NDUFA10: variants seen among roughly 807,000 people sequenced by gnomAD.
NDUFA10 encodes the protein NADH:ubiquinone oxidoreductase subunit A10, also known as NADH dehydrogenase [ubiquinone] 1 alpha subcomplex subunit 10, mitochondrial.
In NDUFA10, 40 loss-of-function variants were observed where a neutral mutation model predicts 47.8. That is an observed-to-expected ratio of 0.84 (90% CI 0.65 to 1.09). NDUFA10 has a LOEUF of 1.09. Among genes scored for constraint, NDUFA10 ranks in the 50% least tolerant of loss-of-function variants. The probability of loss-of-function intolerance (pLI) is 0.00; values close to 1 mark genes in which losing one functional copy is unlikely to be tolerated. For synonymous variants in NDUFA10, 183 were observed against 172.2 expected, an observed-to-expected ratio of 1.06 and a Z score of -0.49; for missense variants, 413 against 451.1, an observed-to-expected ratio of 0.92 and a Z score of 0.76.
At chr2:239,905,581 C>A (rs1287961015) in intron 4 of NDUFA10, among the ~76,000 whole-genome samples, 1 of 152,048 alleles carries the variant, frequency 6.6e-6, no homozygotes, top group Non-Finnish European at 1.5e-5. Context: ...GCTGCCGCGT[C>A]GGGGGGTTTA....
In NDUFA10 at chr2:240,021,317, A is replaced by T. The variant is rs776332101; in HGVS notation, c.340T>A (p.Leu114Met). Residue 114 changes from leucine (L) to methionine (M), a missense_variant, in exon 3 of 10, where the codon TTG (leucine) becomes ATG (methionine). Physicochemically the swap from Leu to Met is conservative, Grantham distance 15. Coordinates refer to ENST00000252711, the MANE Select transcript of NDUFA10 (RefSeq NM_004544.4). ...LATDYNGNCSLEKFYDDPRSN... is the reference protein window; with the variant it reads ...LATDYNGNCSMEKFYDDPRSN... The stretch of plus-strand genomic sequence containing the variant: ...CTCGGATCATCGTAAAATTTCTCCA[A>T]ACTACAGTTGCCATTATAGTCGGTG... The T allele has an allele frequency of 6.2e-7, 1 of 1,614,126 alleles. No homozygotes were observed. Among genetic ancestry groups the T allele is most frequent in the Non-Finnish European group, 8.5e-7 (1 of 1,180,014 alleles).
intron 4 of NDUFA10, among the ~76,000 whole-genome samples, chr2:240,017,198 C>T (rs1052712425): frequency 6.6e-6 from 1 of 152,192 alleles, no homozygotes; most frequent in Admixed American, 6.5e-5. Context: ...GCTAAAAATC[C>T]TCCAGTGGTC....
intron 8 of NDUFA10, among the ~76,000 whole-genome samples, chr2:239,990,849 A>T (rs1696216004): frequency 6.6e-6 from 1 of 152,226 alleles, no homozygotes; most frequent in African/African-American, 2.4e-5. Flanking sequence ...AATTAAATAT[A>T]GTCTGAATAT....
At position 240,014,787 on chromosome 2, in the gene NDUFA10, G is replaced by A. The variant is rs1411850838; in HGVS notation, c.621C>T (p.Ile207=). 6.8e-6 allele frequency: 11 copies of A among 1,614,140 alleles called. No individual in the cohort carries two copies. The Middle Eastern group carries it at 4.9e-4, about 73-fold the overall frequency. The change falls in exon 5 of 10, where the codon ATC becomes ATT. Residue 207 remains isoleucine (I), a synonymous_variant. Transcript: ENST00000252711. ...DYLPPHLVIY[I]DVPVPEVQRR... is the part of the protein sequence containing the mutation. ...TCTGGACCTCTGGAACGGGCACATC[G>A]ATGTAAATCACCAGGTGGGGGGGCA... is the stretch of plus-strand genomic sequence containing the variant.
chr2:239,908,206 T>C (rs1029694594), intron 4 of NDUFA10, among the ~76,000 whole-genome samples: 2 of 151,734 alleles, frequency 1.3e-5, no homozygotes, highest in African/African-American at 2.4e-5. Flanking sequence ...ATGAGAACAC[T>C]TGGACACAGG....
intron 4 of NDUFA10, among the ~76,000 whole-genome samples, chr2:239,908,078 T>A (rs1693687762): frequency 6.6e-6 from 1 of 152,070 alleles, no homozygotes; most frequent in African/African-American, 2.4e-5. Flanking sequence ...CAAAAAAGGA[T>A]GAGTTCATGT....
At chr2:239,898,978 GTATGATGGAGA>G (rs1559259256) in intron 4 of NDUFA10, among the ~76,000 whole-genome samples, 8 of 131,604 alleles carry the variant, frequency 6.1e-5, no homozygotes, top group Middle Eastern at 4.0e-3. Flanking sequence ...TGATGAAGAG[GTATGATGGAGA>G]GGTGTGATGG....
At chr2:240,023,959 A>T (rs753453983) in intron 1 of NDUFA10, among the ~76,000 whole-genome samples, 57 of 152,382 alleles carry the variant, frequency 3.7e-4, no homozygotes, top group Admixed American at 2.6e-4. Context: ...ATCAGAATGG[A>T]TAGCAATCCA....
chr2:239,907,081 T>A (rs1693668056), intron 4 of NDUFA10, among the ~76,000 whole-genome samples: 1 of 152,074 alleles, frequency 6.6e-6, no homozygotes, highest in Non-Finnish European at 1.5e-5. Flanking sequence ...ATGGAACAGA[T>A]TAGAGCCCTC....
downstream of NDUFA10, among the ~76,000 whole-genome samples, chr2:239,954,847 C>T (rs1317936091): frequency 2.6e-5 from 4 of 152,152 alleles, no homozygotes; most frequent in East Asian, 7.7e-4. Context: ...CCAATGTTGG[C>T]GACACAGCCC....
At chr2:239,993,274 T>G (rs939761152) in intron 8 of NDUFA10, among the ~76,000 whole-genome samples, 11 of 152,316 alleles carry the variant, frequency 7.2e-5, no homozygotes, top group Non-Finnish European at 1.6e-4. Context: ...ACACAATCCC[T>G]TGTCTCCGTA....
downstream of NDUFA10, among the ~76,000 whole-genome samples, chr2:239,956,267 A>G (rs376195456): frequency 3.2e-4 from 48 of 152,278 alleles, no homozygotes; most frequent in East Asian, 6.4e-3. Context: ...AAATCCAAAT[A>G]AAAGTCTGAC....
chr2:239,956,066 T>C (rs1047962096), downstream of NDUFA10, among the ~76,000 whole-genome samples: 5 of 151,190 alleles, frequency 3.3e-5, no homozygotes, highest in East Asian at 9.8e-4. Context: ...GGACTGGGAG[T>C]TTCTGAATGG....
intron 4 of NDUFA10, among the ~76,000 whole-genome samples, chr2:239,919,135 G>A (rs990675217): frequency 1.3e-5 from 2 of 151,878 alleles, no homozygotes; most frequent in Non-Finnish European, 1.5e-5. Context: ...CACTGCTGAG[G>A]AGGAAGCCAG....
intron 4 of NDUFA10, among the ~76,000 whole-genome samples, chr2:239,946,802 G>A (rs1038133013): frequency 6.6e-6 from 1 of 152,252 alleles, no homozygotes; most frequent in African/African-American, 2.4e-5. Context: ...GCTCCTGCAG[G>A]CAGAGAGAAG....
At chr2:239,901,352 T>G (rs1449926997) in intron 4 of NDUFA10, among the ~76,000 whole-genome samples, 2 of 152,042 alleles carry the variant, frequency 1.3e-5, no homozygotes, top group Non-Finnish European at 2.9e-5. Context: ...GAGTGAGACC[T>G]TGTCCCCAAA....
intron 4 of NDUFA10, among the ~76,000 whole-genome samples, chr2:239,920,293 T>C (rs7572836): frequency 0.23 from 34,698 of 152,206 alleles, 5,593 homozygotes; most frequent in African/African-American, 0.46. Context: ...GAGCTGAGAA[T>C]GGAATGTCCT....
At chr2:240,023,334 T>C (rs1424617572) in intron 1 of NDUFA10, among the ~76,000 whole-genome samples, 3 of 152,176 alleles carry the variant, frequency 2.0e-5, no homozygotes, top group Non-Finnish European at 4.4e-5. Flanking sequence ...GAAAAAGTGG[T>C]CAACCTTGCT....
intron 6 of NDUFA10, among the ~76,000 whole-genome samples, chr2:240,010,736 G>C (rs1223233570): frequency 1.3e-5 from 2 of 152,028 alleles, no homozygotes; most frequent in African/African-American, 4.8e-5. Flanking sequence ...ATTCACTTTT[G>C]ATTTTATTAT....
Sources: gnomAD v4.1 joint callset for allele counts (sites outside exome capture counted in the v4.1 genomes callset) on GRCh38, gnomAD v4.1.1 for gene constraint, MANE v1.5 for transcripts, NCBI Gene and HGNC (gene_info 2026-07-23, HGNC 2026-07-21) for gene names.